PALLD: variants seen among roughly 807,000 people sequenced by gnomAD.
PALLD encodes palladin, cytoskeletal associated protein.
Under a neutral mutation model 123.5 loss-of-function variants are expected in PALLD, and 61 were observed. The ratio of observed to expected loss-of-function variants is 0.49; its 90% confidence interval spans 0.40 to 0.61. The LOEUF (loss-of-function observed/expected upper bound fraction) is 0.61, where lower values mean the gene tolerates loss of function less well. PALLD is among the 20% of genes least tolerant of loss of function. The pLI, the probability that PALLD is intolerant of heterozygous loss-of-function variation, is 0.00. For missense variants in PALLD, 1,273 were observed against 1,377.0 expected (o/e 0.92, Z 1.20); for synonymous variants, 465 against 496.4 (o/e 0.94, Z 0.84).
At chr4:168,537,447 C>T (rs145686200) in intron 2 of PALLD, among the ~76,000 whole-genome samples, 22 of 152,310 alleles carry the variant, frequency 1.4e-4, no homozygotes, top group African/African-American at 4.6e-4. Flanking sequence ...GTTTTCTGCT[C>T]ATCTGGTATA....
chr4:168,765,615 G>A (rs1733556692), intron 10 of PALLD, among the ~76,000 whole-genome samples: 1 of 152,208 alleles, frequency 6.6e-6, no homozygotes, highest in Non-Finnish European at 1.5e-5. Flanking sequence ...GGTTTTATAA[G>A]CTAACTTACT....
chr4:168,916,148 C>A (rs1037613400), intron 17 of PALLD, 121 bp downstream of exon 17: 3 of 977,480 alleles, frequency 3.1e-6, no homozygotes, highest in Non-Finnish European at 4.9e-6. Context: ...CACAGTGGCT[C>A]ACACCTATAA....
chr4:168,550,410 G>C (rs549163293), intron 2 of PALLD, among the ~76,000 whole-genome samples: 1 of 152,280 alleles, frequency 6.6e-6, no homozygotes, highest in South Asian at 2.1e-4. Context: ...AGTTATTCTA[G>C]TTCTCTGTTC....
At chr4:168,529,931 T>C (rs1338916463) in intron 2 of PALLD, among the ~76,000 whole-genome samples, 1 of 152,208 alleles carries the variant, frequency 6.6e-6, no homozygotes, top group African/African-American at 2.4e-5. Context: ...CCCCGTACAA[T>C]ATGTGTAAAC....
rs1472780464 is a variant in PALLD, at chr4:168,518,185, G to A, written c.908+5773G>A. ...AAGTCCAATTCATCCAGCAAATCCA[G>A]CTGGCACCACCTTTAATGTCTCCAG... On this transcript the variant is annotated intron_variant, in intron 2 of 21. Coordinates refer to ENST00000505667, the MANE Select transcript of PALLD (RefSeq NM_001166108.2). 6.6e-5 allele frequency among the ~76,000 whole-genome samples: 10 copies of A among 152,142 alleles called. No homozygotes were observed. In the East Asian group the frequency reaches 1.9e-3, roughly 29 times the overall value.
intron 2 of PALLD, among the ~76,000 whole-genome samples, chr4:168,640,145 T>A (rs568190421): frequency 4.8e-4 from 73 of 152,306 alleles, no homozygotes; most frequent in African/African-American, 1.7e-3. Flanking sequence ...TTTCAAGCGA[T>A]AGCCGGGCCT....
intron 10 of PALLD, among the ~76,000 whole-genome samples, chr4:168,804,505 A>G (rs978892047): frequency 1.3e-5 from 2 of 152,240 alleles, no homozygotes; most frequent in Non-Finnish European, 2.9e-5. Flanking sequence ...TGCCTCTGCC[A>G]GTATGTGATG....
chr4:168,678,415 C>T (rs1400881803), intron 3 of PALLD, among the ~76,000 whole-genome samples: 2 of 152,114 alleles, frequency 1.3e-5, no homozygotes, highest in East Asian at 3.9e-4. Flanking sequence ...TTCTAGCAGG[C>T]ATGATATTCT....
intron 2 of PALLD, among the ~76,000 whole-genome samples, chr4:168,518,684 G>A (rs765130569): frequency 6.6e-6 from 1 of 152,148 alleles, no homozygotes; most frequent in Non-Finnish European, 1.5e-5. Context: ...GTAAAAGAAA[G>A]GTCCTGCCTA....
intron 2 of PALLD, among the ~76,000 whole-genome samples, chr4:168,618,118 C>A (rs1774404598): frequency 6.6e-6 from 1 of 152,176 alleles, no homozygotes; most frequent in Admixed American, 6.5e-5. Flanking sequence ...AGGTAGCTTC[C>A]AGTCCTACCA....
At position 168,685,530 on chromosome 4, in the gene PALLD, A is replaced by G. The variant is rs1580957952; in HGVS notation, c.1306A>G (p.Thr436Ala). The G allele has an allele frequency of 1.2e-6, 2 of 1,612,542 alleles. No individual in the cohort carries two copies. The highest frequency in any genetic ancestry group is 2.2e-5 in the East Asian group (1 of 44,862). Reference protein sequence around the residue: ...SYLCRPDGTTTAYFPPVFTKE... With the variant: ...SYLCRPDGTTAAYFPPVFTKE... ...TCTCTGCCGACCTGATGGAACCACT[A>G]CTGCCTACTTTCCTCCTGTTTTTAC... is the stretch of plus-strand genomic sequence containing the variant. Residue 436 changes from threonine to alanine, a missense_variant, in exon 6 of 22, where the codon ACT (threonine) becomes GCT (alanine). Around this residue, in one of 2 missense-constraint regions of PALLD, gnomAD observed 944 missense variants for 954.5 expected, o/e 0.99. Coordinates refer to ENST00000505667, the MANE Select transcript of PALLD (RefSeq NM_001166108.2).
chr4:168,803,260 C>T (rs1739627168), intron 10 of PALLD, among the ~76,000 whole-genome samples: 1 of 152,080 alleles, frequency 6.6e-6, no homozygotes, highest in Non-Finnish European at 1.5e-5. Flanking sequence ...GAAGCAAGCA[C>T]ATCTTACCAT....
chr4:168,510,296 T>A (rs1762414940), intron 1 of PALLD, among the ~76,000 whole-genome samples: 4 of 152,230 alleles, frequency 2.6e-5, no homozygotes, highest in Admixed American at 2.0e-4. Context: ...AAATACCTTT[T>A]ATTTAATTCT....
At position 168,926,873 on chromosome 4, in the gene PALLD, C is replaced by CAAAG. The variant is rs1222975666; in HGVS notation, c.*697_*700dup. 2 of 219,716 alleles carry CAAAG rather than the reference C, an allele frequency of 9.1e-6. No homozygotes were observed. Among genetic ancestry groups the CAAAG allele is most frequent in the Non-Finnish European group, 1.8e-5 (2 of 109,406 alleles). The allele number at this position is 219,716 out of a possible 1,614,324, so 13.6% of individuals were successfully genotyped here. A position where few individuals can be genotyped will look rare whatever the true frequency, so the allele number is the denominator to read the frequency against. On this transcript the variant is annotated 3_prime_UTR_variant, in exon 22 of 22. Transcript: ENST00000505667. ...GTAAGGATGAAAGAAGAAGAGATGA[C>CAAAG]AAAGAAATCCAAGTAAATGCCTTGT... is the stretch of plus-strand genomic sequence containing the variant.
intron 2 of PALLD, among the ~76,000 whole-genome samples, chr4:168,623,574 G>A (rs1032675851): frequency 1.3e-4 from 20 of 152,138 alleles, no homozygotes; most frequent in African/African-American, 4.8e-4. Flanking sequence ...GGATGGAGGC[G>A]GCGAACTGCC....
At chr4:168,533,502 C>T (rs535041378) in intron 2 of PALLD, among the ~76,000 whole-genome samples, 1 of 152,238 alleles carries the variant, frequency 6.6e-6, no homozygotes, top group South Asian at 2.1e-4. Flanking sequence ...GACTAGATGA[C>T]TAGATAATTA....
intron 2 of PALLD, chr4:168,648,773 C>T (rs1777742663): frequency 6.6e-6 from 1 of 152,216 alleles, no homozygotes; most frequent in Non-Finnish European, 1.5e-5. Flanking sequence ...ATCACTCTTA[C>T]TGTATTTTGT....
chr4:168,855,322 C>G (rs998078577), intron 10 of PALLD, among the ~76,000 whole-genome samples: 2 of 152,110 alleles, frequency 1.3e-5, no homozygotes, highest in African/African-American at 4.8e-5. Flanking sequence ...ATCTCTTGAC[C>G]TCGTGATCCA....
chr4:168,858,719 C>T (rs989930361), intron 10 of PALLD, among the ~76,000 whole-genome samples: 24 of 151,822 alleles, frequency 1.6e-4, no homozygotes, highest in African/African-American at 5.3e-4. Flanking sequence ...GAGGTCGAGG[C>T]TGCAGTGAGC....
Sources: allele counts gnomAD v4.1 joint callset (sites outside exome capture counted in the v4.1 genomes callset), GRCh38; gene constraint gnomAD v4.1.1; regional missense constraint gnomAD v4.1.1; transcripts MANE v1.5; gene names NCBI Gene and HGNC (gene_info 2026-07-23, HGNC 2026-07-21).